SORCS2: variants seen among roughly 807,000 people sequenced by gnomAD.
The protein encoded by SORCS2 is sortilin related VPS10 domain containing receptor 2.
Under a neutral mutation model 141.6 loss-of-function variants are expected in SORCS2, and 100 were observed. The observed-to-expected ratio is 0.71, with a 90% CI of 0.60 to 0.83. SORCS2 has a LOEUF of 0.83. Among genes scored for constraint, SORCS2 ranks in the 40% least tolerant of loss-of-function variants. The pLI is 0.00. For synonymous variants in SORCS2, 789 were observed against 676.9 expected (o/e 1.17, Z -2.57); for missense variants, 1,646 against 1,560.2 (o/e 1.05, Z -0.93).
chr4:7,647,151 G>A (rs190399316), intron 4 of SORCS2, among the ~76,000 whole-genome samples: 1 of 152,192 alleles, frequency 6.6e-6, no homozygotes, highest in African/African-American at 2.4e-5. Flanking sequence ...GCCTGGAGGT[G>A]AGAGAGCAAA....
intron 1 of SORCS2, among the ~76,000 whole-genome samples, chr4:7,217,987 C>G (rs886742248): frequency 3.3e-5 from 5 of 152,130 alleles, no homozygotes; most frequent in Non-Finnish European, 5.9e-5. Flanking sequence ...TGATGCTGGA[C>G]AGGCCATTGC....
intron 1 of SORCS2, among the ~76,000 whole-genome samples, chr4:7,279,387 T>C (rs139328725): frequency 6.6e-6 from 1 of 152,282 alleles, no homozygotes; most frequent in Non-Finnish European, 1.5e-5. Flanking sequence ...GATGAAGCAG[T>C]CAAAGTAAAC....
At chr4:7,307,297 C>A (rs1717896986) in intron 1 of SORCS2, among the ~76,000 whole-genome samples, 1 of 152,254 alleles carries the variant, frequency 6.6e-6, no homozygotes. Flanking sequence ...CATGACTCTC[C>A]TCTCCTTCAC....
rs963337792 is a variant in SORCS2, at chr4:7,724,062, C to T, written c.2611+179C>T. On this transcript the variant is annotated intron_variant, in intron 19 of 26. Transcript: ENST00000507866. ...AAACCCGCACCCCTGATGACCCATA[C>T]AATAGTAGGGCAGAGCTGGTAGCTG... Among the ~76,000 whole-genome samples the T allele has an allele frequency of 2.0e-5, 3 of 151,970 alleles. No homozygotes were observed. In the East Asian group the frequency reaches 5.8e-4, roughly 29 times the overall value.
intron 3 of SORCS2, among the ~76,000 whole-genome samples, chr4:7,557,546 A>C (rs958176046): frequency 3.3e-5 from 5 of 152,186 alleles, no homozygotes; most frequent in Admixed American, 6.5e-5. Flanking sequence ...AACTATGGAG[A>C]CTGAGAATTG....
intron 1 of SORCS2, among the ~76,000 whole-genome samples, chr4:7,357,573 T>C (rs1213922611): frequency 6.6e-6 from 1 of 152,236 alleles, no homozygotes; most frequent in Non-Finnish European, 1.5e-5. Context: ...AATTGAGTGA[T>C]AATTCTGCCC....
intron 4 of SORCS2, among the ~76,000 whole-genome samples, chr4:7,640,305 AGTGT>A: frequency 7.6e-6 from 1 of 131,944 alleles, no homozygotes; most frequent in Admixed American, 7.5e-5. Context: ...AGTCTACATG[AGTGT>A]GTGGGTGTGT....
intron 1 of SORCS2, among the ~76,000 whole-genome samples, chr4:7,239,258 G>A (rs1409323215): frequency 6.6e-6 from 1 of 152,248 alleles, no homozygotes; most frequent in South Asian, 2.1e-4. Flanking sequence ...TATGTTGGCA[G>A]CTTCTGAGCT....
At chr4:7,294,610 A>G (rs1331369266) in intron 1 of SORCS2, among the ~76,000 whole-genome samples, 1 of 150,924 alleles carries the variant, frequency 6.6e-6, no homozygotes, top group Non-Finnish European at 1.5e-5. Flanking sequence ...CCCAGCCAGT[A>G]CTTGCCGTGG....
intron 1 of SORCS2, among the ~76,000 whole-genome samples, chr4:7,269,715 G>A (rs1170629057): frequency 6.6e-6 from 1 of 152,174 alleles, no homozygotes; most frequent in Non-Finnish European, 1.5e-5. Context: ...CCTCCAGAAG[G>A]AACAAGCCCC....
intron 4 of SORCS2, among the ~76,000 whole-genome samples, chr4:7,651,771 G>C (rs1003791132): frequency 1.3e-5 from 2 of 152,042 alleles, no homozygotes; most frequent in Non-Finnish European, 2.9e-5. Flanking sequence ...CTTGACCCCC[G>C]CAGGGCCTGC....
intron 1 of SORCS2, among the ~76,000 whole-genome samples, chr4:7,284,553 C>T (rs1010577703): frequency 2.6e-5 from 4 of 152,178 alleles, no homozygotes; most frequent in Non-Finnish European, 5.9e-5. Flanking sequence ...ACCCTCAGTC[C>T]ATCCCTCAGC....
chr4:7,242,934 T>G (rs577342563), intron 1 of SORCS2, among the ~76,000 whole-genome samples: 24 of 152,298 alleles, frequency 1.6e-4, no homozygotes, highest in African/African-American at 5.5e-4. Context: ...GCTGGTTGGA[T>G]GGGAGGCACT....
chr4:7,608,752 G>T (rs529032665), intron 3 of SORCS2, among the ~76,000 whole-genome samples: 1 of 152,080 alleles, frequency 6.6e-6, no homozygotes, highest in Non-Finnish European at 1.5e-5. Context: ...CCCGCTCCAG[G>T]GACATCACAT....
intron 3 of SORCS2, among the ~76,000 whole-genome samples, chr4:7,635,152 C>G (rs1720159818): frequency 6.6e-6 from 1 of 152,212 alleles, no homozygotes; most frequent in Admixed American, 6.5e-5. Context: ...GTGTTAATAA[C>G]TGGGGAACTG....
intron 1 of SORCS2, among the ~76,000 whole-genome samples, chr4:7,244,575 G>A (rs1187800685): frequency 6.6e-6 from 1 of 152,198 alleles, no homozygotes; most frequent in Non-Finnish European, 1.5e-5. Flanking sequence ...AAGCAGGCGT[G>A]GTGTGGGTTG....
At chr4:7,245,394 A>G (rs1490884748) in intron 1 of SORCS2, among the ~76,000 whole-genome samples, 2 of 152,238 alleles carry the variant, frequency 1.3e-5, no homozygotes, top group Non-Finnish European at 2.9e-5. Flanking sequence ...TGCCCGTTTC[A>G]GGACTGATAT....
intron 1 of SORCS2, among the ~76,000 whole-genome samples, chr4:7,212,210 C>T (rs904911309): frequency 5.3e-5 from 8 of 152,172 alleles, no homozygotes; most frequent in African/African-American, 9.7e-5. Flanking sequence ...CAGACCCTGC[C>T]GGAATTGTAG....
At chr4:7,473,250 G>C (rs539558516) in intron 2 of SORCS2, among the ~76,000 whole-genome samples, 1 of 152,284 alleles carries the variant, frequency 6.6e-6, no homozygotes, top group East Asian at 1.9e-4. Flanking sequence ...GGCTGCAGCC[G>C]GGAGCCTGCG....
Sources: gnomAD v4.1 joint callset for allele counts (sites outside exome capture counted in the v4.1 genomes callset) on GRCh38, gnomAD v4.1.1 for gene constraint, MANE v1.5 for transcripts, NCBI Gene and HGNC (gene_info 2026-07-23, HGNC 2026-07-21) for gene names.